The following FMN2 variants were observed in gnomAD, a reference collection of about 807,000 sequenced individuals.
FMN2 encodes formin-2.
Under a neutral mutation model 142.3 loss-of-function variants are expected in FMN2, and 51 were observed. The observed-to-expected ratio is 0.36, with a 90% CI of 0.29 to 0.45. The LOEUF is 0.45. Among genes scored for constraint, FMN2 ranks in the 20% least tolerant of loss-of-function variants. The pLI is 1.00. For synonymous variants in FMN2, 882 were observed against 869.8 expected (o/e 1.01, Z -0.25); for missense variants, 1,936 against 2,122.8 (o/e 0.91, Z 1.73).
intron 15 of FMN2, among the ~76,000 whole-genome samples, chr1:240,398,948 G>A (rs770416595): frequency 1.3e-5 from 2 of 151,970 alleles, no homozygotes; most frequent in South Asian, 2.1e-4. Flanking sequence ...TTTCAGACTC[G>A]GGCAATGTAT....
intron 6 of FMN2, among the ~76,000 whole-genome samples, chr1:240,253,437 G>C (rs1462761728): frequency 6.6e-6 from 1 of 152,046 alleles, no homozygotes; most frequent in Admixed American, 6.5e-5. Flanking sequence ...CAGAATTTCT[G>C]TTTGGTTCTT....
chr1:240,463,496 A>G (rs374212822), intron 16 of FMN2, among the ~76,000 whole-genome samples: 2 of 152,320 alleles, frequency 1.3e-5, no homozygotes, highest in African/African-American at 2.4e-5. Context: ...TGGATCTAAA[A>G]GTCTTCACCG....
At chr1:240,214,987 G>T (rs1666840085) in intron 6 of FMN2, among the ~76,000 whole-genome samples, 1 of 151,930 alleles carries the variant, frequency 6.6e-6, no homozygotes, top group Non-Finnish European at 1.5e-5. Flanking sequence ...GATCATCTGA[G>T]CCCAGGGAGG....
rs552952124 is a variant in FMN2, at chr1:240,450,867, GA to G, written c.5060+12658del. ...TCTGCCTTTACAGAAAGGGCACGCA[GA>G]CCGTTCCTAGGGCAAGCCACCTCCA... On this transcript the variant is annotated intron_variant, in intron 16 of 17. Transcript: ENST00000319653. Among the ~76,000 whole-genome samples the G allele has an allele frequency of 4.3e-4, 65 of 152,278 alleles. No homozygotes were observed. In the South Asian group the frequency reaches 0.013, roughly 32 times the overall value.
At chr1:240,301,315 T>G (rs147935396) in intron 8 of FMN2, among the ~76,000 whole-genome samples, 312 of 152,034 alleles carry the variant, frequency 2.1e-3, no homozygotes, top group African/African-American at 7.4e-3. Flanking sequence ...TAGGGCTTTT[T>G]GCTGCCTCTC....
intron 3 of FMN2, chr1:240,179,300 C>G (rs1339876029): frequency 6.6e-6 from 1 of 152,140 alleles, no homozygotes; most frequent in African/African-American, 2.4e-5. Flanking sequence ...GTCCCCCACC[C>G]AAAGTTCTGC....
intron 15 of FMN2, among the ~76,000 whole-genome samples, chr1:240,402,515 C>T (rs530487297): frequency 6.6e-6 from 1 of 152,376 alleles, no homozygotes; most frequent in Non-Finnish European, 1.5e-5. Flanking sequence ...AATATATTCT[C>T]ATCTTCAGAT....
intron 2 of FMN2, among the ~76,000 whole-genome samples, chr1:240,147,397 C>T (rs114430295): frequency 0.011 from 1,600 of 152,236 alleles, 25 homozygotes; most frequent in African/African-American, 0.037. Flanking sequence ...TGGTCTAAGC[C>T]GCCTTAGTGT....
chr1:240,338,682 G>A (rs1238888066), intron 13 of FMN2, among the ~76,000 whole-genome samples: 1 of 152,108 alleles, frequency 6.6e-6, no homozygotes, highest in Non-Finnish European at 1.5e-5. Flanking sequence ...TTAGGACAGT[G>A]GTCCCCAGCT....
chr1:240,437,591 C>T (rs187230928), intron 15 of FMN2, among the ~76,000 whole-genome samples: 79 of 152,212 alleles, frequency 5.2e-4, no homozygotes, highest in African/African-American at 1.6e-3. Context: ...CGTGAGCCAC[C>T]GCGCCGGGCT....
intron 13 of FMN2, among the ~76,000 whole-genome samples, chr1:240,353,852 G>A (rs931217746): frequency 6.6e-5 from 10 of 152,088 alleles, no homozygotes; most frequent in Admixed American, 2.0e-4. Flanking sequence ...AAAGAAGGAC[G>A]CCTCATCCTG....
At chr1:240,280,725 T>C (rs771729587) in intron 7 of FMN2, among the ~76,000 whole-genome samples, 7 of 152,172 alleles carry the variant, frequency 4.6e-5, no homozygotes, top group Admixed American at 6.6e-5. Context: ...TGCTCATCTA[T>C]ACACTATGCT....
chr1:240,329,653 C>T lies in FMN2; in HGVS notation c.4437+185C>T, dbSNP rs528280901. On this transcript the variant is annotated intron_variant, in intron 10 of 17. Coordinates refer to ENST00000319653, the MANE Select transcript of FMN2 (RefSeq NM_020066.5). ...ATCAAAGTAAATGTTCCGGCGGGCG[C>T]CCAGGGCTACAGGACCACATTGCTA... is the stretch of plus-strand genomic sequence containing the variant. Among the ~76,000 whole-genome samples the T allele has an allele frequency of 1.9e-4, 29 of 152,254 alleles. 1 individual carries two copies. In the Middle Eastern group the frequency reaches 0.014, roughly 71 times the overall value.
chr1:240,251,085 G>T (rs1668262460), intron 6 of FMN2, among the ~76,000 whole-genome samples: 2 of 151,372 alleles, frequency 1.3e-5, no homozygotes, highest in East Asian at 1.9e-4. Context: ...ATTTTGTTTA[G>T]TTCTGTTCTA....
chr1:240,332,769 T>C lies in FMN2; in HGVS notation c.4585-1118T>C, dbSNP rs114734548. Among the ~76,000 whole-genome samples, 343 of 152,324 alleles carry C rather than the reference T, an allele frequency of 2.3e-3. 1 individual carries two copies. Among genetic ancestry groups the C allele is most frequent in the African/African-American group, 7.8e-3 (324 of 41,582 alleles). Reference sequence around the variant, plus strand: ...TGTAAAACAAATGTAACTATATTTATTCCTTAGTACTATTTATAGACCTCC... The same window carrying C: ...TGTAAAACAAATGTAACTATATTTACTCCTTAGTACTATTTATAGACCTCC... On this transcript the variant is annotated intron_variant, in intron 11 of 17. Coordinates refer to ENST00000319653, the MANE Select transcript of FMN2 (RefSeq NM_020066.5).
At chr1:240,296,438 C>CTTTTTTTTTTT (rs772711130) in intron 8 of FMN2, among the ~76,000 whole-genome samples, 6 of 46,916 alleles carry the variant, frequency 1.3e-4, no homozygotes, top group African/African-American at 3.9e-4. Flanking sequence ...TCTTTGAGTG[C>CTTTTTTTTTTT]TTTTTTTTTT....
intron 14 of FMN2, among the ~76,000 whole-genome samples, chr1:240,391,833 A>T (rs1011576697): frequency 3.2e-4 from 49 of 152,266 alleles, no homozygotes; most frequent in Middle Eastern, 6.8e-3. Flanking sequence ...GTCAAAAAAA[A>T]AAAATGAAGT....
intron 2 of FMN2, among the ~76,000 whole-genome samples, chr1:240,152,306 T>TAAA (rs5782121): frequency 2.1e-5 from 3 of 145,954 alleles, no homozygotes; most frequent in Non-Finnish European, 4.5e-5. Context: ...CGAGCTCATT[T>TAAA]AAAAAAAAAA....
intron 6 of FMN2, among the ~76,000 whole-genome samples, chr1:240,246,049 G>A (rs141340115): frequency 0.019 from 2,917 of 152,200 alleles, 34 homozygotes; most frequent in Non-Finnish European, 0.03. Context: ...GCATGGTGGC[G>A]GATGCCTGTA....
Sources: allele counts gnomAD v4.1 joint callset (sites outside exome capture counted in the v4.1 genomes callset), GRCh38; gene constraint gnomAD v4.1.1; transcripts MANE v1.5; gene names NCBI Gene and HGNC (gene_info 2026-07-23, HGNC 2026-07-21).